LEMD1: variants seen among roughly 807,000 people sequenced by gnomAD.
LEMD1 encodes LEM domain-containing protein 1.
In LEMD1, 18 loss-of-function variants were observed where a neutral mutation model predicts 17.4. The ratio of observed to expected loss-of-function variants is 1.04; its 90% confidence interval spans 0.72 to 1.54. The LOEUF is 1.54. LEMD1 is among the 40% of genes most tolerant of loss of function. The probability of loss-of-function intolerance (pLI) is 0.00; values close to 1 mark genes in which losing one functional copy is unlikely to be tolerated. For synonymous variants in LEMD1, 88 were observed against 77.8 expected, an observed-to-expected ratio of 1.13 and a Z score of -0.69; for missense variants, 195 against 210.4, an observed-to-expected ratio of 0.93 and a Z score of 0.45.
chr1:205,420,499 T>C lies in LEMD1; in HGVS notation c.38A>G (p.Gln13Arg). Residue 13 changes from glutamine (Q) to arginine (R), a missense_variant, in exon 2 of 6, where the codon CAG becomes CGG. Coordinates refer to ENST00000367153, the MANE Select transcript of LEMD1 (RefSeq NM_001199050.2). Reference protein sequence around the residue: ...DVKCLSDCKLQNQLEKLGFSP... With the variant: ...DVKCLSDCKLRNQLEKLGFSP... ...AAATCCAAGCTTCTCAAGTTGGTTC[T>C]GCAATTTACAGTCACTCAGACACTT... is the stretch of plus-strand genomic sequence containing the variant. The C allele has an allele frequency of 6.2e-7, 1 of 1,614,140 alleles. No homozygotes were observed. Among genetic ancestry groups the C allele is most frequent in the African/African-American group, 1.3e-5 (1 of 75,064 alleles).
At chr1:205,439,548 C>G (rs1666259431) in intron 1 of LEMD1, among the ~76,000 whole-genome samples, 1 of 152,242 alleles carries the variant, frequency 6.6e-6, no homozygotes, top group African/African-American at 2.4e-5. Context: ...GACTTTTGCC[C>G]TCCCTAGTTG....
At chr1:205,443,633 C>T (rs1666333918) in intron 1 of LEMD1, among the ~76,000 whole-genome samples, 1 of 152,266 alleles carries the variant, frequency 6.6e-6, no homozygotes, top group African/African-American at 2.4e-5. Context: ...TAAACAGGGC[C>T]TGGTTATTCT....
At chr1:205,423,843 C>G (rs1246823890), upstream of LEMD1, among the ~76,000 whole-genome samples, 1 of 152,148 alleles carries the variant, frequency 6.6e-6, no homozygotes, top group African/African-American at 2.4e-5. Context: ...TTGAGGGAAG[C>G]AAGTTTTAAT....
At chr1:205,445,008 CGTCTCA>C (rs1264624716) in intron 1 of LEMD1, among the ~76,000 whole-genome samples, 1 of 152,004 alleles carries the variant, frequency 6.6e-6, no homozygotes, top group African/African-American at 2.4e-5. Flanking sequence ...CTTAGCACCG[CGTCTCA>C]GTAATTAAAA....
At chr1:205,415,116 T>C (rs1226706576) in intron 4 of LEMD1, among the ~76,000 whole-genome samples, 1 of 151,666 alleles carries the variant, frequency 6.6e-6, no homozygotes, top group Non-Finnish European at 1.5e-5. Flanking sequence ...AGGTTTAGGG[T>C]GGGCTGAAAT....
At chr1:205,383,949 A>ATT (rs112731126) in intron 5 of LEMD1, among the ~76,000 whole-genome samples, 9,856 of 130,722 alleles carry the variant, frequency 0.075, 407 homozygotes, top group East Asian at 0.11. Flanking sequence ...TATCCTTTAC[A>ATT]TTTTTTTTTT....
chr1:205,443,910 G>A (rs78650663), intron 1 of LEMD1, among the ~76,000 whole-genome samples: 4,190 of 152,246 alleles, frequency 0.028, 106 homozygotes, highest in East Asian at 0.072. Flanking sequence ...CCTCTGCCAG[G>A]CTGTGGTCTC....
At chr1:205,392,201 T>C (rs1664376247) in intron 4 of LEMD1, among the ~76,000 whole-genome samples, 2 of 152,132 alleles carry the variant, frequency 1.3e-5, no homozygotes, top group South Asian at 4.1e-4. Flanking sequence ...GTTGGAATTA[T>C]GTTACCAAGA....
At chr1:205,414,087 G>T (rs1316032216) in intron 4 of LEMD1, among the ~76,000 whole-genome samples, 1 of 152,130 alleles carries the variant, frequency 6.6e-6, no homozygotes, top group Non-Finnish European at 1.5e-5. Context: ...AACAAGGTAA[G>T]AATTTGTTGG....
chr1:205,444,173 A>T (rs1341995281), intron 1 of LEMD1, among the ~76,000 whole-genome samples: 2 of 151,858 alleles, frequency 1.3e-5, no homozygotes, highest in Admixed American at 6.6e-5. Context: ...GGGACTAAGG[A>T]ATGGAAAAAC....
chr1:205,423,269 T>G (rs965794234), upstream of LEMD1, among the ~76,000 whole-genome samples: 1 of 152,240 alleles, frequency 6.6e-6, no homozygotes, highest in African/African-American at 2.4e-5. Flanking sequence ...CAAACAAACA[T>G]GTAATGCAAA....
In LEMD1 at chr1:205,448,462, C is replaced by A; in HGVS notation, c.-39+1406G>T. ...AGCTGGGGCACCCGAGAAGCCCTCA[C>A]TCCCCTTCTCAGCACCCCCGACCCC... is the stretch of plus-strand genomic sequence containing the variant. On this transcript the variant is annotated intron_variant, in intron 1 of 3. Transcript: ENST00000367154. This position sits in a 1 kb window ranked among gnomAD's most constrained non-coding sequence, Gnocchi z 4.7. 1 of 522,492 alleles carries A rather than the reference C, an allele frequency of 1.9e-6. No individual in the cohort carries two copies. The highest frequency in any genetic ancestry group is 1.4e-5 in the South Asian group (1 of 70,544). 32.4% of individuals were successfully genotyped at this position (522,492 alleles called of 1,614,324 possible).
At chr1:205,423,114 G>T (rs368605303), upstream of LEMD1, among the ~76,000 whole-genome samples, 1 of 152,136 alleles carries the variant, frequency 6.6e-6, no homozygotes, top group African/African-American at 2.4e-5. Flanking sequence ...ACACTTGCCC[G>T]TGGGAGTCTG....
intron 1 of LEMD1, among the ~76,000 whole-genome samples, chr1:205,444,073 A>G (rs988197480): frequency 2.6e-5 from 4 of 152,058 alleles, no homozygotes; most frequent in African/African-American, 9.7e-5. Flanking sequence ...AGTCTGGACT[A>G]GCACCTGGGT....
At chr1:205,391,110 A>AT (rs2102354552) in intron 4 of LEMD1, among the ~76,000 whole-genome samples, 1 of 152,352 alleles carries the variant, frequency 6.6e-6, no homozygotes, top group East Asian at 1.9e-4. Context: ...ACCGATGTAT[A>AT]TATGGAAACT....
At chr1:205,412,130 G>T (rs1411707261) in intron 4 of LEMD1, among the ~76,000 whole-genome samples, 1 of 152,092 alleles carries the variant, frequency 6.6e-6, no homozygotes, top group African/African-American at 2.4e-5. Flanking sequence ...AAATTATACG[G>T]CCACCTTACT....
intron 4 of LEMD1, among the ~76,000 whole-genome samples, chr1:205,391,098 A>T (rs767405494): frequency 1.3e-5 from 2 of 152,238 alleles, no homozygotes; most frequent in Non-Finnish European, 2.9e-5. Flanking sequence ...TCCATTAAAA[A>T]TACCGATGTA....
At chr1:205,394,266 T>C (rs964458682) in intron 4 of LEMD1, among the ~76,000 whole-genome samples, 6 of 152,142 alleles carry the variant, frequency 3.9e-5, no homozygotes, top group African/African-American at 1.4e-4. Context: ...GGTTTTATTT[T>C]AGGGTGACAA....
At chr1:205,437,457 G>A (rs949492932) in intron 1 of LEMD1, 10 of 152,290 alleles carry the variant, frequency 6.6e-5, no homozygotes, top group Non-Finnish European at 1.5e-4. Flanking sequence ...GCTGTAGGAG[G>A]GAAGAGAGGC....
Sources: allele counts gnomAD v4.1 joint callset (sites outside exome capture counted in the v4.1 genomes callset), GRCh38; gene constraint gnomAD v4.1.1; non-coding constraint Gnocchi (gnomAD v3.1); transcripts MANE v1.5; gene names NCBI Gene and HGNC (gene_info 2026-07-23, HGNC 2026-07-21).